Variants in ABCC8 observed in about 807,000 individuals in gnomAD.
The protein encoded by ABCC8 is ATP-binding cassette sub-family C member 8.
ABCC8 carries 137 observed loss-of-function variants against 188.0 expected under a neutral mutation model. That is an observed-to-expected ratio of 0.73 (90% confidence interval 0.63 to 0.84). The LOEUF is 0.84. ABCC8 is among the 40% of genes least tolerant of loss of function. The probability of loss-of-function intolerance (pLI) is 0.00; values close to 1 mark genes in which losing one functional copy is unlikely to be tolerated. For synonymous variants in ABCC8, 797 were observed against 846.5 expected (o/e 0.94, Z 1.01); for missense variants, 1,750 against 2,072.7 (o/e 0.84, Z 3.02).
rs1848685464 is a variant in ABCC8, at chr11:17,475,034, G to T, written c.149-7C>A. 6.2e-7 allele frequency: 1 copy of T among 1,613,994 alleles called. No homozygotes were observed. Among genetic ancestry groups the T allele is most frequent in the African/African-American group, 1.3e-5 (1 of 74,942 alleles). On this transcript the variant is annotated splice_region_variant and splice_polypyrimidine_tract_variant and intron_variant, in intron 1 of 38. Coordinates refer to ENST00000389817, the MANE Select transcript of ABCC8 (RefSeq NM_000352.6). Reference sequence around the variant, plus strand: ...GAGCTCTGACTTCCCCATCCTGCAGGGAGAGACAGTCAGAGGCAGGATGCC... The same window carrying T: ...GAGCTCTGACTTCCCCATCCTGCAGTGAGAGACAGTCAGAGGCAGGATGCC...
chr11:17,472,645 G>A (rs1325642498), intron 2 of ABCC8, among the ~76,000 whole-genome samples: 1 of 152,194 alleles, frequency 6.6e-6, no homozygotes, highest in East Asian at 1.9e-4. Context: ...AAGACCAGAT[G>A]ACAATTACTC....
intron 4 of ABCC8, among the ~76,000 whole-genome samples, chr11:17,462,951 G>A (rs1006487317): frequency 1.3e-5 from 2 of 152,154 alleles, no homozygotes; most frequent in Non-Finnish European, 2.9e-5. Flanking sequence ...AAAGACAAAC[G>A]AGTTCATTAG....
chr11:17,437,361 C>A (rs1591820877), intron 10 of ABCC8, among the ~76,000 whole-genome samples: 1 of 152,198 alleles, frequency 6.6e-6, no homozygotes, highest in East Asian at 1.9e-4. Flanking sequence ...CATTGCAATA[C>A]CAGGAGCTTT....
intron 1 of ABCC8, among the ~76,000 whole-genome samples, chr11:17,475,642 C>T (rs999178249): frequency 6.6e-6 from 1 of 152,140 alleles, no homozygotes; most frequent in South Asian, 2.1e-4. Context: ...CACATATGAG[C>T]ACATATTTTG....
intron 5 of ABCC8, 143 bp downstream of exon 5, chr11:17,461,440 C>G (rs773577073): frequency 7.2e-5 from 79 of 1,104,686 alleles, no homozygotes; most frequent in African/African-American, 1.1e-4. Flanking sequence ...CACTGTGTGA[C>G]TTAAGGCAAG....
At chr11:17,433,456 C>T (rs1276130988) in intron 10 of ABCC8, among the ~76,000 whole-genome samples, 1 of 152,222 alleles carries the variant, frequency 6.6e-6, no homozygotes, top group Non-Finnish European at 1.5e-5. Flanking sequence ...GTTGACTGCC[C>T]ATTTACTCCA....
At chr11:17,405,911 T>C (rs1954494280) in intron 26 of ABCC8, among the ~76,000 whole-genome samples, 1 of 152,216 alleles carries the variant, frequency 6.6e-6, no homozygotes, top group Non-Finnish European at 1.5e-5. Flanking sequence ...GCCTGCCGGC[T>C]GGCTGACCCA....
chr11:17,450,496 G>A (rs371977111), intron 7 of ABCC8, among the ~76,000 whole-genome samples: 7 of 144,996 alleles, frequency 4.8e-5, no homozygotes, highest in South Asian at 4.4e-4. Context: ...CTGGGTTCAC[G>A]CCATTCTCCT....
intron 10 of ABCC8, among the ~76,000 whole-genome samples, chr11:17,437,748 G>A (rs1956163259): frequency 6.6e-6 from 1 of 152,194 alleles, no homozygotes; most frequent in Admixed American, 6.5e-5. Context: ...GCCAGGCCAG[G>A]ATATGCATAA....
At chr11:17,419,697 T>C (rs924245114) in intron 16 of ABCC8, among the ~76,000 whole-genome samples, 2 of 152,008 alleles carry the variant, frequency 1.3e-5, no homozygotes, top group Non-Finnish European at 2.9e-5. Context: ...ATAGAAGAAG[T>C]CATAGCTGAA....
chr11:17,454,396 T>C (rs1457046406), intron 6 of ABCC8, among the ~76,000 whole-genome samples: 3 of 151,828 alleles, frequency 2.0e-5, no homozygotes, highest in Admixed American at 2.0e-4. Context: ...GCGACAGGGG[T>C]CTGTATCTGT....
At chr11:17,442,085 A>G (rs2133593044) in intron 10 of ABCC8, among the ~76,000 whole-genome samples, 1 of 151,954 alleles carries the variant, frequency 6.6e-6, no homozygotes, top group East Asian at 1.9e-4. Context: ...ATCTCAAAAA[A>G]AGAAAAAAAA....
chr11:17,405,890 C>A (rs1278769306), intron 26 of ABCC8, among the ~76,000 whole-genome samples: 1 of 152,222 alleles, frequency 6.6e-6, no homozygotes, highest in Non-Finnish European at 1.5e-5. Flanking sequence ...AGGAACAGGG[C>A]CCTGGGGACA....
intron 16 of ABCC8, among the ~76,000 whole-genome samples, chr11:17,418,300 G>A (rs1414101533): frequency 6.6e-6 from 1 of 152,144 alleles, no homozygotes; most frequent in Non-Finnish European, 1.5e-5. Context: ...CTTGTCAGGA[G>A]AACCAGGATG....
At position 17,461,569 on chromosome 11, in the gene ABCC8, G is replaced by T. The variant is rs376319013; in HGVS notation, c.822+14C>A. On this transcript the variant is annotated intron_variant, in intron 5 of 38. Coordinates refer to ENST00000389817, the MANE Select transcript of ABCC8 (RefSeq NM_000352.6). ...AAGGCAGTGAATAGATGGTGTGGCT[G>T]TGCCCCCACTGACCACCTGGGCGTC... The T allele has an allele frequency of 1.2e-6, 2 of 1,614,082 alleles. No homozygotes were observed. The highest frequency in any genetic ancestry group is 1.3e-5 in the African/African-American group (1 of 74,934).
At chr11:17,426,692 G>A (rs999929544) in intron 16 of ABCC8, among the ~76,000 whole-genome samples, 13 of 152,130 alleles carry the variant, frequency 8.5e-5, no homozygotes, top group African/African-American at 3.1e-4. Flanking sequence ...GTAACCATGG[G>A]ATTCAGAGTC....
At chr11:17,454,400 T>C (rs1383177255) in intron 6 of ABCC8, among the ~76,000 whole-genome samples, 1 of 152,070 alleles carries the variant, frequency 6.6e-6, no homozygotes, top group African/African-American at 2.4e-5. Context: ...CAGGGGTCTG[T>C]ATCTGTTGGT....
intron 10 of ABCC8, chr11:17,436,088 T>C: frequency 1.1e-6 from 1 of 875,998 alleles, no homozygotes; most frequent in Middle Eastern, 3.2e-4. Context: ...TTGGCTGTGA[T>C]TCCCAAAGGA....
At chr11:17,414,693 T>C (rs886341162) in intron 18 of ABCC8, 83 bp from the exon 19 acceptor site, 18 of 1,599,212 alleles carry the variant, frequency 1.1e-5, no homozygotes, top group African/African-American at 2.7e-5. Flanking sequence ...AGCTGATGGC[T>C]CAGATGGAGG....
Sources: allele counts gnomAD v4.1 joint callset (sites outside exome capture counted in the v4.1 genomes callset), GRCh38; gene constraint gnomAD v4.1.1; transcripts MANE v1.5; gene names NCBI Gene and HGNC (gene_info 2026-07-23, HGNC 2026-07-21).